Variants in DDX50 observed in about 807,000 individuals in gnomAD.
DDX50 encodes ATP-dependent RNA helicase DDX50.
Under a neutral mutation model 94.8 loss-of-function variants are expected in DDX50, and 56 were observed. The ratio of observed to expected loss-of-function variants is 0.59; its 90% CI spans 0.48 to 0.74. The LOEUF (loss-of-function observed/expected upper bound fraction) is 0.74. Among genes scored for constraint, DDX50 ranks in the 30% least tolerant of loss-of-function variants. The pLI, the probability that DDX50 is intolerant of heterozygous loss-of-function variation, is 0.00. For synonymous variants in DDX50, 264 were observed against 295.4 expected (o/e 0.89, Z 1.09); for missense variants, 713 against 881.2 (o/e 0.81, Z 2.42).
At position 68,946,752 on chromosome 10, in the gene DDX50, C is replaced by A; in HGVS notation, c.*122C>A. Reference sequence around the variant, plus strand: ...GTCTGCTATTTGCAAAGAAGTTGGTCGTATTTTTTTAAAAAGTATTTCACA... The same window carrying A: ...GTCTGCTATTTGCAAAGAAGTTGGTAGTATTTTTTTAAAAAGTATTTCACA... On this transcript the variant is annotated 3_prime_UTR_variant, in exon 15 of 15. Coordinates refer to ENST00000373585, the MANE Select transcript of DDX50 (RefSeq NM_024045.2). 3 of 1,289,460 alleles carry A rather than the reference C, an allele frequency of 2.3e-6. No individual in the cohort carries two copies. In the South Asian group the frequency reaches 4.5e-5, roughly 19 times the overall value. 79.9% of individuals were successfully genotyped at this position (1,289,460 alleles called of 1,614,324 possible).
chr10:68,941,424 G>C (rs975229337), intron 13 of DDX50, among the ~76,000 whole-genome samples: 4 of 151,996 alleles, frequency 2.6e-5, no homozygotes, highest in African/African-American at 9.7e-5. Flanking sequence ...AATTATCTAA[G>C]TTTCTGCCAC....
In DDX50 at chr10:68,934,944, C is replaced by T; in HGVS notation, c.1521+26C>T. 6.2e-7 allele frequency: 1 copy of T among 1,606,228 alleles called. No individual in the cohort carries two copies. Among genetic ancestry groups the T allele is most frequent in the South Asian group, 1.1e-5 (1 of 89,706 alleles). On this transcript the variant is annotated intron_variant, in intron 10 of 14. Transcript: ENST00000373585. The surrounding 1 kb of genome is among the most constrained non-coding windows in gnomAD (Gnocchi z 4.0). Reference sequence around the variant, plus strand: ...GTAAGTAGAGTTAAATTATTTCAGGCTTATTGTCTAAATGGTGCCTTAAAA... The same window carrying T: ...GTAAGTAGAGTTAAATTATTTCAGGTTTATTGTCTAAATGGTGCCTTAAAA...
chr10:68,921,714 T>C (rs1347651047), intron 8 of DDX50, among the ~76,000 whole-genome samples: 1 of 152,190 alleles, frequency 6.6e-6, no homozygotes, highest in African/African-American at 2.4e-5. Context: ...ATTGATAATA[T>C]CTTGTTTGTG....
intron 7 of DDX50, among the ~76,000 whole-genome samples, chr10:68,915,271 G>T (rs1486978549): frequency 6.6e-6 from 1 of 151,040 alleles, no homozygotes; most frequent in Non-Finnish European, 1.5e-5. Context: ...AAATTAGCCG[G>T]TCATGGTGGC....
intron 1 of DDX50, among the ~76,000 whole-genome samples, chr10:68,902,332 T>G (rs1023263637): frequency 1.3e-5 from 2 of 151,896 alleles, no homozygotes; most frequent in Admixed American, 1.3e-4. Context: ...GAGGCTAAGG[T>G]GGCAGTATTC....
intron 10 of DDX50, among the ~76,000 whole-genome samples, chr10:68,935,554 G>T (rs1050222880): frequency 6.6e-6 from 1 of 152,062 alleles, no homozygotes; most frequent in Non-Finnish European, 1.5e-5. Context: ...AAAGATCTTG[G>T]CTGGGTGCAG....
Position 68,937,008 on chromosome 10 carries a change from A to G in DDX50, c.1668A>G (p.Lys556=), listed in dbSNP as rs1589270793. The G allele has an allele frequency of 1.2e-6, 2 of 1,612,452 alleles. No homozygotes were observed. The highest frequency in any genetic ancestry group is 8.5e-7 in the Non-Finnish European group (1 of 1,179,922). ...RPSAQRLIEE[K]GAVDALAAAL... is the part of the protein sequence containing the mutation. ...CAGCTCAGAGACTGATAGAAGAGAA[A>G]GGTGCAGTGGATGCATTGGCTGCAG... Residue 556 remains lysine, a synonymous_variant, in exon 12 of 15, where the codon AAA becomes AAG. Coordinates refer to ENST00000373585, the MANE Select transcript of DDX50 (RefSeq NM_024045.2).
chr10:68,921,026 A>G (rs532082676), intron 8 of DDX50, among the ~76,000 whole-genome samples: 2 of 151,938 alleles, frequency 1.3e-5, no homozygotes, highest in East Asian at 3.9e-4. Context: ...TGGTAGAATC[A>G]TGTAAGGAAC....
intron 7 of DDX50, among the ~76,000 whole-genome samples, 193 bp downstream of exon 7, chr10:68,914,397 C>T (rs982608761): frequency 1.3e-5 from 2 of 152,010 alleles, no homozygotes; most frequent in Admixed American, 6.6e-5. Context: ...AAAAAAAGCA[C>T]GTGAATAGGC....
intron 8 of DDX50, among the ~76,000 whole-genome samples, chr10:68,930,020 A>G (rs1296677297): frequency 6.6e-6 from 1 of 150,444 alleles, no homozygotes; most frequent in Non-Finnish European, 1.5e-5. Context: ...GGTGTGAGCC[A>G]CTGTGCCCAG....
At chr10:68,933,934 T>TAA (rs202073299) in intron 8 of DDX50, among the ~76,000 whole-genome samples, 3 of 135,838 alleles carry the variant, frequency 2.2e-5, no homozygotes, top group Non-Finnish European at 3.2e-5. Flanking sequence ...AAACTCTGTC[T>TAA]AAAAAAAAAA....
chr10:68,942,223 ATACTT>A (rs1589274448), intron 13 of DDX50, among the ~76,000 whole-genome samples: 1 of 152,150 alleles, frequency 6.6e-6, no homozygotes, highest in Non-Finnish European at 1.5e-5. Flanking sequence ...AATTAAATAA[ATACTT>A]TAATACATTT....
chr10:68,906,587 C>A, intron 1 of DDX50, 124 bp from the exon 2 acceptor site: 1 of 1,020,784 alleles, frequency 9.8e-7, no homozygotes. Context: ...GGATTTCTAC[C>A]AGGCAGGTTT....
In DDX50 at chr10:68,937,102, A is replaced by G. The variant is rs771442429; in HGVS notation, c.1755+7A>G. 3.2e-5 allele frequency: 50 copies of G among 1,583,882 alleles called. No homozygotes were observed. The highest frequency in any genetic ancestry group is 4.1e-5 in the Non-Finnish European group (47 of 1,160,374). Reference sequence around the variant, plus strand: ...TTTGATCACCTCTGATAAGGTAGAAATCTGTGAGAAAATTGTACATGAGTG... The same window carrying G: ...TTTGATCACCTCTGATAAGGTAGAAGTCTGTGAGAAAATTGTACATGAGTG... On this transcript the variant is annotated splice_region_variant and intron_variant, in intron 12 of 14. Transcript: ENST00000373585.
Position 68,946,459 on chromosome 10 carries a change from C to T in DDX50, c.2043C>T (p.Gly681=). 2 of 1,614,188 alleles carry T rather than the reference C, an allele frequency of 1.2e-6. No individual in the cohort carries two copies. The highest frequency in any genetic ancestry group is 1.7e-6 in the Non-Finnish European group (2 of 1,180,040). The change falls in exon 15 of 15, where the codon GGC becomes GGT. Residue 681 remains glycine, a synonymous_variant. Transcript: ENST00000373585. ...NTSSNSRQRS[G]WSSGRSGRSG... ...CTTCTAATTCCAGACAGAGGAGTGG[C>T]TGGTCAAGTGGTCGATCAGGCCGGT... is the stretch of plus-strand genomic sequence containing the variant.
chr10:68,914,237 T>G, intron 7 of DDX50, 33 bp downstream of exon 7: 1 of 1,601,724 alleles, frequency 6.2e-7, no homozygotes, highest in Non-Finnish European at 8.5e-7. Context: ...AGATTTTAGC[T>G]TTTAGTTGGT....
At chr10:68,929,725 C>CTTT (rs35522934) in intron 8 of DDX50, among the ~76,000 whole-genome samples, 12 of 127,264 alleles carry the variant, frequency 9.4e-5, no homozygotes, top group Admixed American at 2.6e-4. Context: ...CGCCTGGCCT[C>CTTT]TTTTTTTTTT....
chr10:68,906,359 A>AT (rs1257525502), intron 1 of DDX50: 160 of 224,132 alleles, frequency 7.1e-4, no homozygotes, highest in East Asian at 1.6e-3. Context: ...ATAAGTATTA[A>AT]TTTTTTTTTC....
At chr10:68,914,519 G>A (rs1328331615) in intron 7 of DDX50, among the ~76,000 whole-genome samples, 5 of 152,110 alleles carry the variant, frequency 3.3e-5, no homozygotes, top group African/African-American at 7.2e-5. Context: ...TATTTACAAC[G>A]TGACAAAGAA....
Sources: allele counts gnomAD v4.1 joint callset (sites outside exome capture counted in the v4.1 genomes callset), GRCh38; gene constraint gnomAD v4.1.1; non-coding constraint Gnocchi (gnomAD v3.1); transcripts MANE v1.5; gene names NCBI Gene and HGNC (gene_info 2026-07-23, HGNC 2026-07-21).